SEPTIN5: variants seen among roughly 807,000 people sequenced by gnomAD.
SEPTIN5 encodes septin-5.
Under a neutral mutation model 51.2 loss-of-function variants are expected in SEPTIN5, and 16 were observed. The observed-to-expected ratio is 0.31, with a 90% CI of 0.21 to 0.47. The LOEUF is 0.47. SEPTIN5 is among the 20% of genes least tolerant of loss of function. The pLI, the probability that SEPTIN5 is intolerant of heterozygous loss-of-function variation, is 0.99. For synonymous variants in SEPTIN5, 208 were observed against 191.2 expected (o/e 1.09, Z -0.72); for missense variants, 376 against 500.3 (o/e 0.75, Z 2.37).
At position 19,721,599 on chromosome 22, in the gene SEPTIN5, T is replaced by TA. The variant is rs532709942; in HGVS notation, c.718-40dup. 7.8e-4 allele frequency: 1,244 copies of TA among 1,604,006 alleles called. 10 individuals carry two copies. The African/African-American group carries it at 0.015, about 19-fold the overall frequency. The stretch of plus-strand genomic sequence containing the variant: ...CGTTTCCCATCAGTAACCGTGCAAT[T>TA]ACGCTCACCGGGTGTGAGCCTTTCT... On this transcript the variant is annotated intron_variant, in intron 8 of 11. Coordinates refer to ENST00000455784, the MANE Select transcript of SEPTIN5 (RefSeq NM_002688.6).
At chr22:19,720,691 C>T in intron 7 of SEPTIN5, 25 bp downstream of exon 7, 1 of 1,612,568 alleles carries the variant, frequency 6.2e-7, no homozygotes, top group South Asian at 1.1e-5. Flanking sequence ...GCACAGGGGC[C>T]TGGCCAGGGC....
chr22:19,719,492 C>G, intron 2 of SEPTIN5, 110 bp from the exon 3 acceptor site: 2 of 868,906 alleles, frequency 2.3e-6, no homozygotes, highest in Non-Finnish European at 3.5e-6. Context: ...AATGCCCCAC[C>G]CTGGGAACCG....
chr22:19,718,421 G>A (rs2145787335), intron 2 of SEPTIN5: 2 of 1,061,016 alleles, frequency 1.9e-6, no homozygotes, highest in African/African-American at 1.7e-5. Flanking sequence ...GCCGCCCCCC[G>A]CCGCGCGCTC....
intron 2 of SEPTIN5, 157 bp from the exon 3 acceptor site, chr22:19,719,444 CT>C: frequency 1.6e-6 from 1 of 615,192 alleles, no homozygotes; most frequent in Non-Finnish European, 2.8e-6. Context: ...TATCTCCAGG[CT>C]TTTGCCCACG....
intron 10 of SEPTIN5, 73 bp downstream of exon 10, chr22:19,722,030 C>T: frequency 6.5e-7 from 1 of 1,537,398 alleles, no homozygotes; most frequent in East Asian, 2.3e-5. Flanking sequence ...AGGGCCGGTC[C>T]TGTCAGCCCA....
Position 19,714,862 on chromosome 22 carries a change from G to A in SEPTIN5, c.54+71G>A. The A allele has an allele frequency of 1.3e-6, 2 of 1,545,008 alleles. No homozygotes were observed. The highest frequency in any genetic ancestry group is 2.8e-5 in the African/African-American group (2 of 72,072). Reference sequence around the variant, plus strand: ...TCACCCATTGTGACACTAGCGCCTTGGGCGCCCAGGCGCGACCCCGCCCCC... The same window carrying A: ...TCACCCATTGTGACACTAGCGCCTTAGGCGCCCAGGCGCGACCCCGCCCCC... On this transcript the variant is annotated intron_variant, in intron 2 of 11. Transcript: ENST00000455784. The surrounding 1 kb of genome is among the most constrained non-coding windows in gnomAD (Gnocchi z 5.2).
At chr22:19,718,930 T>G in intron 2 of SEPTIN5, 5 of 1,064,856 alleles carry the variant, frequency 4.7e-6, no homozygotes, top group African/African-American at 1.7e-5. Flanking sequence ...GGCTCAGCCC[T>G]TCCCTCCGCA....
intron 2 of SEPTIN5, chr22:19,717,522 C>T (rs1935930764): frequency 5.7e-6 from 2 of 351,798 alleles, no homozygotes; most frequent in Non-Finnish European, 1.1e-5. Flanking sequence ...CCACCCCTGT[C>T]TCTGAGGGCA....
At chr22:19,718,781 T>A in intron 2 of SEPTIN5, 1 of 1,236,834 alleles carries the variant, frequency 8.1e-7, no homozygotes, top group Non-Finnish European at 1.0e-6. Flanking sequence ...GTGGAGCAGC[T>A]GCTGTCGCCG....
At chr22:19,717,643 C>T (rs1003923429) in intron 2 of SEPTIN5, 7 of 293,216 alleles carry the variant, frequency 2.4e-5, no homozygotes, top group Admixed American at 4.9e-5. Context: ...AGCCTGCACC[C>T]TTCCTTTCCC....
Position 19,722,690 on chromosome 22 carries a change from G to A in SEPTIN5, c.*206G>A. 4.9e-6 allele frequency: 3 copies of A among 615,218 alleles called. No homozygotes were observed. The highest frequency in any genetic ancestry group is 5.7e-6 in the Non-Finnish European group (2 of 353,368). 38.1% of individuals were successfully genotyped at this position (615,218 alleles called of 1,614,324 possible). On this transcript the variant is annotated 3_prime_UTR_variant, in exon 12 of 12. Transcript: ENST00000455784. ...CCCAGCTGGCCCTCTCTGACCTTGG[G>A]GGATCAGGAGCGAAGTTGGGCGGGA...
intron 8 of SEPTIN5, 114 bp from the exon 9 acceptor site, chr22:19,721,526 G>C: frequency 8.8e-7 from 1 of 1,134,250 alleles, no homozygotes; most frequent in Non-Finnish European, 1.3e-6. Context: ...TCTTTGAGGA[G>C]AGATAGTTGA....
chr22:19,722,209 C>G (rs1936055803), intron 10 of SEPTIN5, 28 bp from the exon 11 acceptor site: 5 of 1,433,134 alleles, frequency 3.5e-6, no homozygotes, highest in Admixed American at 4.1e-5. Context: ...GGCGCCGCCC[C>G]GCCCATCCTC....
chr22:19,718,546 G>A, intron 2 of SEPTIN5: 1 of 1,285,650 alleles, frequency 7.8e-7, no homozygotes, highest in Non-Finnish European at 9.9e-7. Context: ...TGGCTCGGTC[G>A]GCCTCGGGGG....
At chr22:19,718,357 G>T in intron 2 of SEPTIN5, 1 of 990,846 alleles carries the variant, frequency 1.0e-6, no homozygotes, top group Admixed American at 6.0e-5. Flanking sequence ...GGCTCCGCCC[G>T]CGGCCCAATT....
At chr22:19,719,723 G>T (rs767694216) in intron 3 of SEPTIN5, 25 bp downstream of exon 3, 10 of 1,612,182 alleles carry the variant, frequency 6.2e-6, no homozygotes, top group Middle Eastern at 1.7e-4. Context: ...CTCCTCGGGG[G>T]AGTGGCTGGG....
At chr22:19,717,274 C>T (rs781565116) in intron 2 of SEPTIN5, 22 of 470,146 alleles carry the variant, frequency 4.7e-5, no homozygotes, top group South Asian at 2.8e-4. Flanking sequence ...CCTTTCCAGG[C>T]CCCATGTCCT....
At chr22:19,716,662 G>T (rs746403232) in intron 2 of SEPTIN5, among the ~76,000 whole-genome samples, 14 of 152,214 alleles carry the variant, frequency 9.2e-5, no homozygotes, top group Non-Finnish European at 1.8e-4. Context: ...TGGCAGGGCA[G>T]GTGGGTTGAA....
intron 3 of SEPTIN5, 25 bp from the exon 4 acceptor site, chr22:19,719,781 G>C (rs1473251328): frequency 1.2e-6 from 2 of 1,612,708 alleles, no homozygotes; most frequent in South Asian, 2.2e-5. Flanking sequence ...ACCTAACGCA[G>C]CTCCTTCTCT....
Sources: allele counts gnomAD v4.1 joint callset (sites outside exome capture counted in the v4.1 genomes callset), GRCh38; gene constraint gnomAD v4.1.1; non-coding constraint Gnocchi (gnomAD v3.1); transcripts MANE v1.5; gene names NCBI Gene and HGNC (gene_info 2026-07-23, HGNC 2026-07-21).